The following TRMT9B variants were observed in gnomAD, a reference collection of about 807,000 sequenced individuals.
TRMT9B encodes probable tRNA methyltransferase 9B.
In TRMT9B, 16 loss-of-function variants were observed where a neutral mutation model predicts 11.5. The ratio of observed to expected loss-of-function variants is 1.39; its 90% confidence interval spans 0.94 to 2.11. TRMT9B has a LOEUF of 2.11. TRMT9B is among the 30% of genes most tolerant of loss of function. The probability of loss-of-function intolerance (pLI) is 0.00; values close to 1 mark genes in which losing one functional copy is unlikely to be tolerated. For synonymous variants in TRMT9B, 274 were observed against 192.4 expected (o/e 1.42, Z -3.51); for missense variants, 941 against 553.8 (o/e 1.70, Z -7.02).
At chr8:13,009,641 A>C (rs1363552358) in intron 3 of TRMT9B, among the ~76,000 whole-genome samples, 1 of 152,150 alleles carries the variant, frequency 6.6e-6, no homozygotes, top group East Asian at 1.9e-4. Context: ...GGTTACACTA[A>C]TGGTAGTATA....
chr8:12,991,988 A>C (rs1428077813), intron 2 of TRMT9B, among the ~76,000 whole-genome samples: 1 of 152,082 alleles, frequency 6.6e-6, no homozygotes, highest in Non-Finnish European at 1.5e-5. Flanking sequence ...ACAAAATAAA[A>C]CTGGAAAAGC....
At chr8:12,991,563 T>A (rs1385821112) in intron 2 of TRMT9B, among the ~76,000 whole-genome samples, 1 of 152,252 alleles carries the variant, frequency 6.6e-6, no homozygotes, top group South Asian at 2.1e-4. Flanking sequence ...GCATTTATAA[T>A]AGGAGAGCCA....
chr8:12,957,121 C>T (rs1411916160), intron 1 of TRMT9B, among the ~76,000 whole-genome samples: 3 of 152,136 alleles, frequency 2.0e-5, no homozygotes, highest in Non-Finnish European at 2.9e-5. Context: ...TGTATTCTCT[C>T]ATGGTGAGGT....
At chr8:13,003,107 C>G (rs1809770760) in intron 2 of TRMT9B, among the ~76,000 whole-genome samples, 1 of 152,128 alleles carries the variant, frequency 6.6e-6, no homozygotes, top group African/African-American at 2.4e-5. Flanking sequence ...TCCTTGTTCT[C>G]CAGAGTCTTC....
At chr8:12,954,950 G>C (rs1801108354) in intron 1 of TRMT9B, among the ~76,000 whole-genome samples, 1 of 152,152 alleles carries the variant, frequency 6.6e-6, no homozygotes, top group African/African-American at 2.4e-5. Flanking sequence ...CACCTCCCCA[G>C]GTGGCTGTGG....
At chr8:13,012,990 G>C (rs868648812) in intron 4 of TRMT9B, 133 bp downstream of exon 4, 1 of 1,159,346 alleles carries the variant, frequency 8.6e-7, no homozygotes, top group Non-Finnish European at 1.1e-6. Flanking sequence ...TAAAAAAATT[G>C]TTTCAACTAC....
chr8:12,982,079 T>C (rs967664008), intron 1 of TRMT9B, among the ~76,000 whole-genome samples: 2 of 152,236 alleles, frequency 1.3e-5, no homozygotes, highest in Non-Finnish European at 2.9e-5. Context: ...TGTATCTATC[T>C]ATTATATCTA....
In TRMT9B at chr8:12,990,959, C is replaced by T; in HGVS notation, c.-74C>T. 1 of 1,288,840 alleles carries T rather than the reference C, an allele frequency of 7.8e-7. No individual in the cohort carries two copies. Among genetic ancestry groups the T allele is most frequent in the Non-Finnish European group, 1.0e-6 (1 of 988,304 alleles). 79.8% of individuals were successfully genotyped at this position (1,288,840 alleles called of 1,614,324 possible). ...AGAAAGTTATGAGAAGCAACTGTCACTCTCTGGAGGTGGAGACTGCCGTGA... is the reference window on the plus strand; with the variant it reads ...AGAAAGTTATGAGAAGCAACTGTCATTCTCTGGAGGTGGAGACTGCCGTGA... On this transcript the variant is annotated 5_prime_UTR_variant, in exon 2 of 5. Coordinates refer to ENST00000524591, the MANE Select transcript of TRMT9B (RefSeq NM_020844.3).
intron 2 of TRMT9B, among the ~76,000 whole-genome samples, chr8:13,004,276 G>T (rs1322654455): frequency 2.0e-5 from 3 of 151,900 alleles, no homozygotes; most frequent in African/African-American, 7.3e-5. Flanking sequence ...TGCTGAACTG[G>T]CCTCAGAGCC....
intron 1 of TRMT9B, chr8:12,952,618 G>A (rs1336878221): frequency 5.5e-6 from 5 of 905,582 alleles, no homozygotes; most frequent in Middle Eastern, 5.7e-4. Context: ...ATTAGTAAGA[G>A]GCAAAGAACT....
At position 13,022,232 on chromosome 8, in the gene TRMT9B, C is replaced by G; in HGVS notation, c.*188C>G. 9.4e-6 allele frequency: 5 copies of G among 531,624 alleles called. No homozygotes were observed. Among genetic ancestry groups the G allele is most frequent in the African/African-American group, 3.9e-5 (2 of 51,458 alleles). 32.9% of individuals were successfully genotyped at this position (531,624 alleles called of 1,614,324 possible). Reference sequence around the variant, plus strand: ...AGCACAGATTCTGGCATTGAAAGCACTTGACAAAGGGTATTTGTGCTTAAA... The same window carrying G: ...AGCACAGATTCTGGCATTGAAAGCAGTTGACAAAGGGTATTTGTGCTTAAA... On this transcript the variant is annotated 3_prime_UTR_variant, in exon 5 of 5. Coordinates refer to ENST00000524591, the MANE Select transcript of TRMT9B (RefSeq NM_020844.3).
In TRMT9B at chr8:13,021,105, G is replaced by C; in HGVS notation, c.426G>C (p.Trp142Cys). The change falls in exon 5 of 5, where the codon TGG becomes TGC. Residue 142 changes from tryptophan to cysteine, a missense_variant. Physicochemically the swap from Trp to Cys is radical, Grantham distance 215 (BLOSUM62 -2). Coordinates refer to ENST00000524591, the MANE Select transcript of TRMT9B (RefSeq NM_020844.3). ...VPGGQLMIYV[W>C]AMEQKNRHFE... The stretch of plus-strand genomic sequence containing the variant: ...GAGGCCAACTGATGATTTACGTTTG[G>C]GCAATGGAACAAAAGAACCGTCACT... The C allele has an allele frequency of 6.2e-7, 1 of 1,611,656 alleles. No individual in the cohort carries two copies. Among genetic ancestry groups the C allele is most frequent in the Middle Eastern group, 1.7e-4 (1 of 6,060 alleles).
intron 1 of TRMT9B, among the ~76,000 whole-genome samples, chr8:12,969,591 A>G (rs1208260666): frequency 6.6e-6 from 1 of 152,114 alleles, no homozygotes; most frequent in African/African-American, 2.4e-5. Context: ...AGTTGTAATA[A>G]TGTATCTCTT....
intron 4 of TRMT9B, among the ~76,000 whole-genome samples, chr8:13,017,918 G>A (rs752662196): frequency 2.0e-5 from 3 of 151,574 alleles, no homozygotes; most frequent in Admixed American, 6.6e-5. Flanking sequence ...GGCACCATCC[G>A]TGGCCAGCTA....
At chr8:12,968,935 G>A (rs1405092901) in intron 1 of TRMT9B, among the ~76,000 whole-genome samples, 6 of 152,328 alleles carry the variant, frequency 3.9e-5, no homozygotes, top group Non-Finnish European at 5.9e-5. Flanking sequence ...AAGTGGGCTG[G>A]GTGAGGTGGC....
At chr8:12,986,355 C>T (rs1340142817) in intron 1 of TRMT9B, among the ~76,000 whole-genome samples, 1 of 152,122 alleles carries the variant, frequency 6.6e-6, no homozygotes, top group Non-Finnish European at 1.5e-5. Context: ...GTACAGTAGA[C>T]ATTCATTGAA....
chr8:12,987,579 A>G (rs1431605108), intron 1 of TRMT9B, among the ~76,000 whole-genome samples: 3 of 152,032 alleles, frequency 2.0e-5, no homozygotes, highest in South Asian at 4.2e-4. Flanking sequence ...AGTCCCAGAT[A>G]CTTGGGAGGG....
At chr8:13,005,517 C>T (rs1563408633) in intron 2 of TRMT9B, among the ~76,000 whole-genome samples, 1 of 152,134 alleles carries the variant, frequency 6.6e-6, no homozygotes, top group Admixed American at 6.5e-5. Flanking sequence ...GCCTTGCATG[C>T]CTGTATCAAA....
chr8:12,978,956 A>G (rs1241749573), intron 1 of TRMT9B, among the ~76,000 whole-genome samples: 1 of 152,146 alleles, frequency 6.6e-6, no homozygotes. Context: ...TCTAAATTCA[A>G]TGGGCTGTAA....
Sources: gnomAD v4.1 joint callset for allele counts (sites outside exome capture counted in the v4.1 genomes callset) on GRCh38, gnomAD v4.1.1 for gene constraint, MANE v1.5 for transcripts, NCBI Gene and HGNC (gene_info 2026-07-23, HGNC 2026-07-21) for gene names.